CFAP210: variants seen among roughly 807,000 people sequenced by gnomAD.
CFAP210 encodes the protein cilia and flagella associated protein 210.
chr2:169,651,466 C>A, the CFAP210 span, among the ~76,000 whole-genome samples: 2 of 151,922 alleles, frequency 1.3e-5, no homozygotes, highest in African/African-American at 4.8e-5. Context: ...ACAATCTTGG[C>A]TCACTGCAAC....
the CFAP210 span, among the ~76,000 whole-genome samples, chr2:169,689,474 C>A: frequency 3.9e-5 from 6 of 152,178 alleles, no homozygotes; most frequent in Non-Finnish European, 8.8e-5. Flanking sequence ...GATCATCTTT[C>A]AATGCCACTA....
the CFAP210 span, among the ~76,000 whole-genome samples, chr2:169,676,366 C>CAA: frequency 4.0e-3 from 560 of 140,500 alleles, 2 homozygotes; most frequent in African/African-American, 0.011. Flanking sequence ...TTCTGTGTTA[C>CAA]AAAAAAAAAA....
At chr2:169,670,517 A>T in the CFAP210 span, among the ~76,000 whole-genome samples, 9 of 152,212 alleles carry the variant, frequency 5.9e-5, no homozygotes, top group African/African-American at 1.9e-4. Flanking sequence ...TTATTATCTC[A>T]TACCATTCCT....
chr2:169,675,104 A>G, the CFAP210 span: 482,781 of 1,140,606 alleles, frequency 0.42, 104,103 homozygotes, highest in Middle Eastern at 0.47. Flanking sequence ...ACAGTTTAAC[A>G]TAATAATATG....
At chr2:169,649,163 A>C in the CFAP210 span, 18 of 1,566,278 alleles carry the variant, frequency 1.1e-5, no homozygotes, top group Admixed American at 3.7e-5. Context: ...CATAATTATA[A>C]ACATTCAGGA....
chr2:169,645,826 A>G, the CFAP210 span: 5 of 1,550,082 alleles, frequency 3.2e-6, no homozygotes, highest in African/African-American at 2.8e-5. Flanking sequence ...TCTCAATGTT[A>G]AAAATAATTT....
the CFAP210 span, chr2:169,650,636 G>T: frequency 8.0e-7 from 1 of 1,251,152 alleles, no homozygotes; most frequent in Non-Finnish European, 1.0e-6. Context: ...ACTAACAGGA[G>T]CCCCATTGCT....
the CFAP210 span, chr2:169,658,308 A>G: frequency 2.6e-5 from 4 of 152,526 alleles, no homozygotes; most frequent in African/African-American, 9.6e-5. Flanking sequence ...ATTTTGTGGC[A>G]GCACATGAAA....
chr2:169,652,777 C>T, the CFAP210 span, among the ~76,000 whole-genome samples: 1 of 150,364 alleles, frequency 6.7e-6, no homozygotes, highest in East Asian at 2.0e-4. Context: ...GGGCGGATCA[C>T]GAGGTCAGGA....
chr2:169,671,654 G>C, the CFAP210 span, among the ~76,000 whole-genome samples: 1 of 152,112 alleles, frequency 6.6e-6, no homozygotes, highest in Non-Finnish European at 1.5e-5. Flanking sequence ...TTTTTTAGTA[G>C]AGACAGGGTT....
chr2:169,689,574 T>C, the CFAP210 span, among the ~76,000 whole-genome samples: 5 of 152,230 alleles, frequency 3.3e-5, no homozygotes, highest in African/African-American at 1.2e-4. Context: ...AAAGTTTTAT[T>C]TCTTCCTTTC....
At chr2:169,667,142 C>CT in the CFAP210 span, among the ~76,000 whole-genome samples, 6,889 of 58,050 alleles carry the variant, frequency 0.12, 235 homozygotes, top group East Asian at 0.26. Context: ...TTTCTTTTTT[C>CT]TTTTTTTTTT....
chr2:169,676,625 G>A, the CFAP210 span, among the ~76,000 whole-genome samples: 6 of 151,968 alleles, frequency 3.9e-5, no homozygotes, highest in African/African-American at 1.2e-4. Flanking sequence ...TCAGAATGTC[G>A]TATGTTACAT....
the CFAP210 span, among the ~76,000 whole-genome samples, chr2:169,647,721 T>G: frequency 6.6e-6 from 1 of 151,912 alleles, no homozygotes; most frequent in Admixed American, 6.6e-5. Flanking sequence ...ATTTAAAACT[T>G]TTATACATCA....
chr2:169,672,422 A>G, the CFAP210 span, among the ~76,000 whole-genome samples: 2 of 152,170 alleles, frequency 1.3e-5, no homozygotes, highest in Admixed American at 1.3e-4. Context: ...AAGTCCCACA[A>G]TAGTCTGTCT....
the CFAP210 span, chr2:169,674,997 T>C: frequency 6.5e-7 from 1 of 1,539,762 alleles, no homozygotes; most frequent in Admixed American, 2.2e-5. Flanking sequence ...CTCTATTTCT[T>C]CATCACGCTT....
chr2:169,661,437 TC>T, the CFAP210 span: 1 of 352,666 alleles, frequency 2.8e-6, no homozygotes, highest in South Asian at 2.4e-5. Context: ...TCCTCTGCCC[TC>T]CAGGGGCTGA....
At chr2:169,645,911 G>T in the CFAP210 span, 1 of 1,613,768 alleles carries the variant, frequency 6.2e-7, no homozygotes, top group South Asian at 1.1e-5. Flanking sequence ...GTTATAAAAA[G>T]GGAGCTGGAC....
At chr2:169,678,432 T>C in the CFAP210 span, among the ~76,000 whole-genome samples, 4 of 151,980 alleles carry the variant, frequency 2.6e-5, no homozygotes, top group East Asian at 3.9e-4. Context: ...AGATTCAATA[T>C]TGTCATAATG....
Sources: gnomAD v4.1 joint callset for allele counts (sites outside exome capture counted in the v4.1 genomes callset) on GRCh38, gnomAD v4.1.1 for gene constraint, MANE v1.5 for transcripts, NCBI Gene and HGNC (gene_info 2026-07-23, HGNC 2026-07-21) for gene names.